GNG5: variants seen among roughly 807,000 people sequenced by gnomAD.
GNG5 encodes the protein G protein subunit gamma 5, also known as guanine nucleotide-binding protein G(I)/G(S)/G(O) subunit gamma-5.
Under a neutral mutation model 6.2 loss-of-function variants are expected in GNG5, and 2 were observed. The ratio of observed to expected loss-of-function variants is 0.32; its 90% CI spans 0.13 to 1.01. The LOEUF (loss-of-function observed/expected upper bound fraction) is 1.01, where lower values mean the gene tolerates loss of function less well. Ranked by LOEUF, GNG5 falls within the 50% of genes least tolerant of loss-of-function variation. GNG5 has a pLI of 0.48. For synonymous variants in GNG5, 24 were observed against 33.0 expected (o/e 0.73, Z 0.93); for missense variants, 57 against 80.2 (o/e 0.71, Z 1.10).
chr1:84,506,226 G>C lies in GNG5; in HGVS notation c.-135C>G. 1 of 614,522 alleles carries C rather than the reference G, an allele frequency of 1.6e-6. No homozygotes were observed. Among genetic ancestry groups the C allele is most frequent in the Middle Eastern group, 2.8e-4 (1 of 3,618 alleles). The allele number at this position is 614,522 out of a possible 1,614,324, so 38.1% of individuals were successfully genotyped here. On this transcript the variant is annotated 5_prime_UTR_variant, in exon 2 of 4. Coordinates refer to ENST00000370645, the MANE Select transcript of GNG5 (RefSeq NM_005274.3). ...CTCTAAGTTTCCGGTTCTGTGCTCA[G>C]CGGCTCCACCCTCGGTGCGCATGCG...
chr1:84,498,803 ACT>A (rs1681993825), intron 3 of GNG5, among the ~76,000 whole-genome samples: 1 of 152,180 alleles, frequency 6.6e-6, no homozygotes, highest in African/African-American at 2.4e-5. Flanking sequence ...GGTTAATAAA[ACT>A]CTCTTAAATC....
At position 84,506,117 on chromosome 1, in the gene GNG5, C is replaced by CGTGGGTCG. The variant is rs1213800414; in HGVS notation, c.-34_-27dup. ...GGTGCACGCGACGGCCGGGCCGATTCGTGGGTCGGTGGGTCGTGGGCCGTG... is the reference window on the plus strand; with the variant it reads ...GGTGCACGCGACGGCCGGGCCGATTCGTGGGTCGGTGGGTCGGTGGGTCGTGGGCCGTG... On this transcript the variant is annotated 5_prime_UTR_variant, in exon 2 of 4. Transcript: ENST00000370645. 1.9e-6 allele frequency: 3 copies of CGTGGGTCG among 1,567,084 alleles called. No homozygotes were observed. In the Admixed American group the frequency reaches 5.5e-5, roughly 29 times the overall value.
intron 3 of GNG5, among the ~76,000 whole-genome samples, chr1:84,500,607 G>T (rs1170539908): frequency 6.6e-6 from 1 of 152,048 alleles, no homozygotes; most frequent in African/African-American, 2.4e-5. Flanking sequence ...CAGAAACAAA[G>T]GATATTATAA....
intron 2 of GNG5, among the ~76,000 whole-genome samples, chr1:84,503,128 C>T (rs570620033): frequency 3.3e-5 from 5 of 152,326 alleles, no homozygotes; most frequent in Non-Finnish European, 5.9e-5. Context: ...ATAACATTAA[C>T]GGACCCGTTC....
At chr1:84,502,072 T>A (rs1381646702) in intron 2 of GNG5, 102 bp from the exon 3 acceptor site, 2 of 776,574 alleles carry the variant, frequency 2.6e-6, no homozygotes, top group Admixed American at 2.4e-5. Flanking sequence ...AAACAGTACT[T>A]CTCTTGCTTC....
At chr1:84,498,752 C>T (rs1681992558) in intron 3 of GNG5, among the ~76,000 whole-genome samples, 1 of 152,108 alleles carries the variant, frequency 6.6e-6, no homozygotes, top group South Asian at 2.1e-4. Context: ...GATTAACTTG[C>T]TAAGATTACT....
intron 1 of GNG5, 23 bp from the exon 2 acceptor site, chr1:84,506,324 G>GGCGGAGCAGTCGGTGGGC: frequency 2.5e-6 from 1 of 396,144 alleles, no homozygotes; most frequent in Non-Finnish European, 4.6e-6. Context: ...GAGGAGAAGG[G>GGCGGAGCAGTCGGTGGGC]GCGGAGCAGT....
At chr1:84,500,004 A>T (rs1413701229) in intron 3 of GNG5, among the ~76,000 whole-genome samples, 1 of 152,190 alleles carries the variant, frequency 6.6e-6, no homozygotes, top group Non-Finnish European at 1.5e-5. Flanking sequence ...CTGAGGCAGG[A>T]GCACTTGAAC....
At chr1:84,503,204 G>T (rs1000619714) in intron 2 of GNG5, among the ~76,000 whole-genome samples, 16 of 152,216 alleles carry the variant, frequency 1.1e-4, no homozygotes, top group African/African-American at 3.9e-4. Context: ...CTTGAACTGA[G>T]ATTTAAAAAG....
At chr1:84,502,158 G>C (rs999607465) in intron 2 of GNG5, among the ~76,000 whole-genome samples, 188 bp from the exon 3 acceptor site, 1 of 105,952 alleles carries the variant, frequency 9.4e-6, no homozygotes, top group Non-Finnish European at 1.8e-5. Flanking sequence ...TTTTTTTTGA[G>C]ACGGAGTCTC....
chr1:84,502,602 A>G lies in GNG5; in HGVS notation c.82-632T>C, dbSNP rs190717624. On this transcript the variant is annotated intron_variant, in intron 2 of 3. Coordinates refer to ENST00000370645, the MANE Select transcript of GNG5 (RefSeq NM_005274.3). ...TTGCTTATTAATAATAGGCTGTTCA[A>G]GTGCAAACCTGAGGGTACTTAACAT... 4.1e-4 allele frequency among the ~76,000 whole-genome samples: 63 copies of G among 152,344 alleles called. No individual in the cohort carries two copies. The East Asian group carries it at 8.1e-3, about 20-fold the overall frequency.
chr1:84,505,959 C>G (rs1474234658), intron 2 of GNG5, 52 bp downstream of exon 2: 19 of 1,196,506 alleles, frequency 1.6e-5, no homozygotes, highest in Non-Finnish European at 2.0e-5. Flanking sequence ...GCCGCCGGAT[C>G]CCACCCGCCG....
chr1:84,506,163 T>A lies in GNG5; in HGVS notation c.-72A>T, dbSNP rs918311900. 10 of 1,276,624 alleles carry A rather than the reference T, an allele frequency of 7.8e-6. No homozygotes were observed. Among genetic ancestry groups the A allele is most frequent in the Non-Finnish European group, 1.1e-5 (10 of 931,400 alleles). 79.1% of individuals were successfully genotyped at this position (1,276,624 alleles called of 1,614,324 possible). On this transcript the variant is annotated 5_prime_UTR_variant, in exon 2 of 4. Transcript: ENST00000370645. ...CCGTGGGTCGGCGGGGCCAGACAACTCAGCGGCGCGCGGCGGGGGCGGGGC... is the reference window on the plus strand; with the variant it reads ...CCGTGGGTCGGCGGGGCCAGACAACACAGCGGCGCGCGGCGGGGGCGGGGC...
At chr1:84,500,784 TC>T (rs1682042876) in intron 3 of GNG5, among the ~76,000 whole-genome samples, 1 of 152,120 alleles carries the variant, frequency 6.6e-6, no homozygotes. Context: ...TCCTGGACAC[TC>T]CCAGGTCTAG....
chr1:84,502,798 C>A (rs187266155), intron 2 of GNG5, among the ~76,000 whole-genome samples: 100 of 152,232 alleles, frequency 6.6e-4, no homozygotes, highest in African/African-American at 2.4e-3. Context: ...GTATACTGAT[C>A]CTCAAATTTA....
At chr1:84,498,806 CTCTT>C (rs1407998779) in intron 3 of GNG5, among the ~76,000 whole-genome samples, 1 of 152,110 alleles carries the variant, frequency 6.6e-6, no homozygotes, top group African/African-American at 2.4e-5. Context: ...TAATAAAACT[CTCTT>C]AAATCAAAAA....
chr1:84,504,092 T>C (rs1397658707), intron 2 of GNG5, among the ~76,000 whole-genome samples: 5 of 152,234 alleles, frequency 3.3e-5, no homozygotes, highest in Non-Finnish European at 7.3e-5. Flanking sequence ...AAAAATGTCC[T>C]GACCTACCTA....
intron 3 of GNG5, among the ~76,000 whole-genome samples, chr1:84,500,268 T>C (rs1682029304): frequency 6.6e-6 from 1 of 152,214 alleles, no homozygotes; most frequent in Non-Finnish European, 1.5e-5. Flanking sequence ...AGCAATGCTT[T>C]GATGCCCAAT....
chr1:84,500,379 T>C (rs905026685), intron 3 of GNG5, among the ~76,000 whole-genome samples: 2 of 152,230 alleles, frequency 1.3e-5, no homozygotes, highest in African/African-American at 4.8e-5. Context: ...TCTGGGTTCT[T>C]ACCCCCAGCC....
Sources: gnomAD v4.1 joint callset for allele counts (sites outside exome capture counted in the v4.1 genomes callset) on GRCh38, gnomAD v4.1.1 for gene constraint, MANE v1.5 for transcripts, NCBI Gene and HGNC (gene_info 2026-07-23, HGNC 2026-07-21) for gene names.